The following IQCN variants were observed in gnomAD, a reference collection of about 807,000 sequenced individuals.
IQCN encodes the protein IQ domain-containing protein N.
A neutral mutation model predicts 64.4 loss-of-function variants in IQCN; 46 were observed. The observed-to-expected ratio is 0.71, with a 90% CI of 0.56 to 0.91. The LOEUF is 0.91. Ranked by LOEUF, IQCN falls within the 40% of genes least tolerant of loss-of-function variation. IQCN has a pLI of 0.00. For missense variants in IQCN, 1,753 were observed against 1,857.4 expected (o/e 0.94, Z 1.03); for synonymous variants, 733 against 775.6 (o/e 0.95, Z 0.91).
chr19:18,269,807 T>C (rs1239390051), intron 1 of IQCN, among the ~76,000 whole-genome samples: 1 of 152,018 alleles, frequency 6.6e-6, no homozygotes, highest in Non-Finnish European at 1.5e-5. Context: ...TACAGAAGTA[T>C]GTTCAAGGAT....
At position 18,265,917 on chromosome 19, in the gene IQCN, G is replaced by T; in HGVS notation, c.1623C>A (p.Pro541=). 2 of 1,614,208 alleles carry T rather than the reference G, an allele frequency of 1.2e-6. No individual in the cohort carries two copies. Among genetic ancestry groups the T allele is most frequent in the Non-Finnish European group, 1.7e-6 (2 of 1,180,034 alleles). Residue 541 remains proline, a synonymous_variant, in exon 3 of 4, where the codon CCC becomes CCA. Coordinates refer to ENST00000392413, the MANE Select transcript of IQCN (RefSeq NM_001145304.2). This position sits in a 1 kb window ranked among gnomAD's most constrained non-coding sequence, Gnocchi z 4.7. The part of the protein sequence containing the change: ...PPQVAVAAGT[P]NTSGSIHENP... ...TCTCATGGATGGAGCCTGAGGTGTT[G>T]GGAGTTCCGGCTGCTACCGCCACTT...
At position 18,257,918 on chromosome 19, in the gene IQCN, C is replaced by T. The variant is rs759496515; in HGVS notation, c.3366G>A (p.Ala1122=). The change falls in exon 4 of 4, where the codon GCG becomes GCA. Residue 1122 remains alanine (A), a synonymous_variant. Transcript: ENST00000392413. ...IRILAVITIQ[A]GVRGYLARRR... ...GACGCGCCAGGTAGCCACGGACGCC[C>T]GCCTGGATAGTGATCACTGCGAGGA... 1.7e-5 allele frequency: 27 copies of T among 1,612,720 alleles called. No individual in the cohort carries two copies. The highest frequency in any genetic ancestry group is 4.4e-5 in the South Asian group (4 of 91,088).
intron 3 of IQCN, chr19:18,259,721 G>A (rs1969386290): frequency 6.6e-6 from 1 of 152,326 alleles, no homozygotes; most frequent in South Asian, 2.1e-4. Flanking sequence ...AGCAGTCTAT[G>A]TTTTTTGGAA....
At position 18,264,701 on chromosome 19, in the gene IQCN, G is replaced by A. The variant is rs375229949; in HGVS notation, c.2839C>T (p.Arg947Cys). 401 of 1,551,194 alleles carry A rather than the reference G, an allele frequency of 2.6e-4. 1 individual carries two copies. Among genetic ancestry groups the A allele is most frequent in the Non-Finnish European group, 3.3e-4 (377 of 1,146,988 alleles). ...GACAGGGCTCGGGACAGGGTCAGGC[G>A]CAGCTCACTCCAGGACAGCGCCTTC... is the stretch of plus-strand genomic sequence containing the variant. ...LVKALSWSEL[R>C]LTLSRALSRG... Residue 947 changes from arginine to cysteine, a missense_variant, in exon 3 of 4, where the codon CGC becomes TGC. Arg to Cys is a radical substitution (Grantham distance 180, BLOSUM62 -3). Coordinates refer to ENST00000392413, the MANE Select transcript of IQCN (RefSeq NM_001145304.2). This position sits in a 1 kb window ranked among gnomAD's most constrained non-coding sequence, Gnocchi z 4.3.
chr19:18,257,101 G>T lies in IQCN; in HGVS notation c.*79C>A. ...CCAGAACACATCACCCAAGATCTAG[G>T]CTGTGGAGGACTTTATTCATTAGAC... On this transcript the variant is annotated 3_prime_UTR_variant, in exon 4 of 4. Transcript: ENST00000392413. 7.1e-7 allele frequency: 1 copy of T among 1,416,532 alleles called. No homozygotes were observed. The highest frequency in any genetic ancestry group is 9.7e-7 in the Non-Finnish European group (1 of 1,029,048). 87.7% of individuals were successfully genotyped at this position (1,416,532 alleles called of 1,614,324 possible).
intron 1 of IQCN, among the ~76,000 whole-genome samples, chr19:18,271,756 C>G (rs966745854): frequency 2.6e-5 from 4 of 151,984 alleles, no homozygotes; most frequent in African/African-American, 9.7e-5. Flanking sequence ...GGGCAGGAGG[C>G]CTTCAATGTG....
At chr19:18,262,883 CAG>C (rs1969461738) in intron 3 of IQCN, among the ~76,000 whole-genome samples, 1 of 152,164 alleles carries the variant, frequency 6.6e-6, no homozygotes, top group South Asian at 2.1e-4. Flanking sequence ...TACCTAAAGA[CAG>C]AGTCCTCCTC....
At chr19:18,268,927 A>G (rs1969669968) in intron 2 of IQCN, among the ~76,000 whole-genome samples, 1 of 138,118 alleles carries the variant, frequency 7.2e-6, no homozygotes, top group African/African-American at 2.8e-5. Context: ...GCGCCACCTC[A>G]CTCCAGCCTG....
At chr19:18,261,484 G>A (rs1969426310) in intron 3 of IQCN, 1 of 152,182 alleles carries the variant, frequency 6.6e-6, no homozygotes, top group Admixed American at 6.7e-5. Context: ...AGAGATGGCT[G>A]GGTCAGGCTT....
chr19:18,269,923 A>C (rs926238605), intron 1 of IQCN, among the ~76,000 whole-genome samples: 5 of 152,128 alleles, frequency 3.3e-5, no homozygotes, highest in Middle Eastern at 3.4e-3. Context: ...CAGGCATCAG[A>C]AATGGCGTCC....
In IQCN at chr19:18,257,112, CTTT is replaced by C; in HGVS notation, c.*65_*67del. ...CACCCAAGATCTAGGCTGTGGAGGACTTTATTCATTAGACCCAGAGAGCCATGA... is the reference window on the plus strand; with the variant it reads ...CACCCAAGATCTAGGCTGTGGAGGACATTCATTAGACCCAGAGAGCCATGA... On this transcript the variant is annotated 3_prime_UTR_variant, in exon 4 of 4. Coordinates refer to ENST00000392413, the MANE Select transcript of IQCN (RefSeq NM_001145304.2). 1 of 1,511,750 alleles carries C rather than the reference CTTT, an allele frequency of 6.6e-7. No individual in the cohort carries two copies. The highest frequency in any genetic ancestry group is 9.0e-7 in the Non-Finnish European group (1 of 1,106,730). The allele number at this position is 1,511,750 out of a possible 1,614,324, so 93.6% of individuals were successfully genotyped here.
Position 18,269,445 on chromosome 19 carries a change from GC to G in IQCN, c.13+20del. 5.0e-6 allele frequency: 8 copies of G among 1,613,354 alleles called. No individual in the cohort carries two copies. The highest frequency in any genetic ancestry group is 6.8e-6 in the Non-Finnish European group (8 of 1,179,426). The stretch of plus-strand genomic sequence containing the variant: ...TCAGGTTGGACTAGCCAGACCCCTT[GC>G]CCATAGACCATCTTCTTACCTTGAA... On this transcript the variant is annotated intron_variant, in intron 2 of 3. Transcript: ENST00000392413.
chr19:18,267,529 G>T lies in IQCN; in HGVS notation c.14-3C>A. The stretch of plus-strand genomic sequence containing the variant: ...ATTACCGGACAGGTCAGCTCTGCCT[G>T]TGGGGGCGGCAGGGGGTGGTCAGGG... On this transcript the variant is annotated splice_polypyrimidine_tract_variant and splice_region_variant and intron_variant, in intron 2 of 3. Coordinates refer to ENST00000392413, the MANE Select transcript of IQCN (RefSeq NM_001145304.2). 1.3e-6 allele frequency: 2 copies of T among 1,514,762 alleles called. No individual in the cohort carries two copies. The highest frequency in any genetic ancestry group is 1.8e-6 in the Non-Finnish European group (2 of 1,133,988). 93.8% of individuals were successfully genotyped at this position (1,514,762 alleles called of 1,614,324 possible). A position where few individuals can be genotyped will look rare whatever the true frequency, so the allele number is the denominator to read the frequency against.
intron 1 of IQCN, 43 bp from the exon 2 acceptor site, chr19:18,269,630 T>C (rs1215661471): frequency 8.0e-6 from 4 of 502,084 alleles, no homozygotes; most frequent in African/African-American, 6.2e-5. Flanking sequence ...AAAGCAAAAA[T>C]GCTAAATTCT....
In IQCN at chr19:18,257,823, C is replaced by A; in HGVS notation, c.3461G>T (p.Arg1154Leu). Residue 1154 changes from arginine (R) to leucine (L), a missense_variant, in exon 4 of 4, where the codon CGG (arginine) becomes CTG (leucine). Physicochemically the swap from Arg to Leu is moderately radical, Grantham distance 102. Coordinates refer to ENST00000392413, the MANE Select transcript of IQCN (RefSeq NM_001145304.2). ...QATWRGYRVR[R>L]NLAHLCRATT... ...GGCTCTGCAGAGGTGTGCCAGGTTC[C>A]GCCGCACACGGTAGCCGCGCCAAGT... 2 of 1,611,122 alleles carry A rather than the reference C, an allele frequency of 1.2e-6. No homozygotes were observed. Among genetic ancestry groups the A allele is most frequent in the Non-Finnish European group, 1.7e-6 (2 of 1,179,510 alleles).
rs1213636511 is a variant in IQCN, at chr19:18,265,582, A to G, written c.1958T>C (p.Met653Thr). 6.2e-7 allele frequency: 1 copy of G among 1,612,602 alleles called. No homozygotes were observed. Among genetic ancestry groups the G allele is most frequent in the African/African-American group, 1.3e-5 (1 of 74,912 alleles). Reference sequence around the variant, plus strand: ...CTGTCCCCGGGGCAGGGTGACAGCCATGTCTACAGGCACATACACGTGAGG... The same window carrying G: ...CTGTCCCCGGGGCAGGGTGACAGCCGTGTCTACAGGCACATACACGTGAGG... Reference protein sequence around the residue: ...KPPHVYVPVDMAVTLPRGQLA... With the variant: ...KPPHVYVPVDTAVTLPRGQLA... Residue 653 changes from methionine (M) to threonine (T), a missense_variant, in exon 3 of 4, where the codon ATG (methionine) becomes ACG (threonine). Coordinates refer to ENST00000392413, the MANE Select transcript of IQCN (RefSeq NM_001145304.2). This position sits in a 1 kb window ranked among gnomAD's most constrained non-coding sequence, Gnocchi z 4.7.
chr19:18,273,025 T>C (rs1969774826), intron 1 of IQCN, among the ~76,000 whole-genome samples: 1 of 152,086 alleles, frequency 6.6e-6, no homozygotes, highest in Non-Finnish European at 1.5e-5. Flanking sequence ...CACACATATA[T>C]TTATTATTTT....
Position 18,265,487 on chromosome 19 carries a change from C to A in IQCN, c.2053G>T (p.Ala685Ser). The A allele has an allele frequency of 6.2e-7, 1 of 1,612,644 alleles. No homozygotes were observed. Among genetic ancestry groups the A allele is most frequent in the Non-Finnish European group, 8.5e-7 (1 of 1,178,864 alleles). Residue 685 changes from alanine (A) to serine (S), a missense_variant, in exon 3 of 4, where the codon GCC becomes TCC. Physicochemically the swap from Ala to Ser is moderately conservative, Grantham distance 99. Coordinates refer to ENST00000392413, the MANE Select transcript of IQCN (RefSeq NM_001145304.2). The surrounding 1 kb of genome is among the most constrained non-coding windows in gnomAD (Gnocchi z 4.7). ...TGAGATGAGGCCTTGGTCAGCGGGG[C>A]GGCCAGTGGTCTCTGGGACAGGCAG... ...PPCLSQRPLA[A>S]PLTKASSQGH...
At chr19:18,263,176 G>A (rs1380033770) in intron 3 of IQCN, among the ~76,000 whole-genome samples, 4 of 152,192 alleles carry the variant, frequency 2.6e-5, no homozygotes, top group African/African-American at 9.7e-5. Flanking sequence ...TTCACCGCAA[G>A]GTCCCCTTCT....
Sources: gnomAD v4.1 joint callset for allele counts (sites outside exome capture counted in the v4.1 genomes callset) on GRCh38, gnomAD v4.1.1 for gene constraint, Gnocchi (gnomAD v3.1) non-coding constraint, MANE v1.5 for transcripts, NCBI Gene and HGNC (gene_info 2026-07-23, HGNC 2026-07-21) for gene names.